Variants in NFIX observed in about 807,000 individuals in gnomAD.
NFIX encodes nuclear factor 1 X-type.
A neutral mutation model predicts 53.3 loss-of-function variants in NFIX; 2 were observed. The ratio of observed to expected loss-of-function variants is 0.04; its 90% CI spans 0.02 to 0.12. The LOEUF is 0.12. NFIX is among the 10% of genes least tolerant of loss of function. NFIX has a pLI of 1.00. For missense variants in NFIX, 310 were observed against 674.5 expected (o/e 0.46, Z 5.99); for synonymous variants, 244 against 289.0 (o/e 0.84, Z 1.58).
At position 13,037,972 on chromosome 19, in the gene NFIX, C is replaced by T. The variant is rs1457142187; in HGVS notation, c.559+12420C>T. Among the ~76,000 whole-genome samples the T allele has an allele frequency of 6.6e-6, 1 of 152,184 alleles. No individual in the cohort carries two copies. The highest frequency in any genetic ancestry group is 2.4e-5 in the African/African-American group (1 of 41,430). On this transcript the variant is annotated intron_variant, in intron 2 of 10. Transcript: ENST00000592199. The surrounding 1 kb of genome is among the most constrained non-coding windows in gnomAD (Gnocchi z 4.2). Reference sequence around the variant, plus strand: ...GACCCTGCTGTGCGTGGTCTCTCCTCAGGACGCCTCTTGCCTCTGCTAGCA... The same window carrying T: ...GACCCTGCTGTGCGTGGTCTCTCCTTAGGACGCCTCTTGCCTCTGCTAGCA...
chr19:13,069,293 G>A (rs1307819803), intron 2 of NFIX, among the ~76,000 whole-genome samples: 1 of 152,210 alleles, frequency 6.6e-6, no homozygotes, highest in Non-Finnish European at 1.5e-5. Context: ...AAAGAAGCCT[G>A]AGGCCAGAAA....
intron 2 of NFIX, among the ~76,000 whole-genome samples, chr19:13,041,786 T>G (rs962237421): frequency 7.4e-6 from 1 of 135,188 alleles, no homozygotes. Flanking sequence ...AGAGCCAGAC[T>G]CCGTCTCAAA....
rs1237057089 is a variant in NFIX at position 13,036,420 on chromosome 19, G to T, written c.559+10868G>T. On this transcript the variant is annotated intron_variant, in intron 2 of 10. Coordinates refer to ENST00000592199, the MANE Select transcript of NFIX (RefSeq NM_001365902.3). This position sits in a 1 kb window ranked among gnomAD's most constrained non-coding sequence, Gnocchi z 4.7. ...GTGGGGCTGTGGAAATGAGAAACCG[G>T]ACGAGACAGAGAGGGAATCCAGAGA... Among the ~76,000 whole-genome samples the T allele has an allele frequency of 6.6e-6, 1 of 152,140 alleles. No individual in the cohort carries two copies. Among genetic ancestry groups the T allele is most frequent in the African/African-American group, 2.4e-5 (1 of 41,424 alleles).
In NFIX at chr19:13,025,032, C is replaced by T; in HGVS notation, c.39C>T (p.His13=). Reference sequence around the variant, plus strand: ...CTTGCCGCCTGCAGGATGAGTTCCACCCGTTCATCGAGGCACTGCTGCCTC... The same window carrying T: ...CTTGCCGCCTGCAGGATGAGTTCCATCCGTTCATCGAGGCACTGCTGCCTC... The part of the protein sequence containing the change: ...SPYCLTQDEF[H]PFIEALLPHV... Residue 13 remains histidine, a synonymous_variant, in exon 2 of 11, where the codon CAC becomes CAT. Transcript: ENST00000592199. The surrounding 1 kb of genome is among the most constrained non-coding windows in gnomAD (Gnocchi z 7.5). 5.0e-6 allele frequency: 8 copies of T among 1,606,628 alleles called. No homozygotes were observed. The highest frequency in any genetic ancestry group is 6.8e-6 in the Non-Finnish European group (8 of 1,176,654).
chr19:13,031,859 G>A (rs1313979163), intron 2 of NFIX, among the ~76,000 whole-genome samples: 1 of 152,148 alleles, frequency 6.6e-6, no homozygotes, highest in Non-Finnish European at 1.5e-5. Context: ...CTCTGTCCTG[G>A]CTTCCTGTAG....
chr19:13,094,560 C>T lies in NFIX; in HGVS notation c.1495-75C>T. ...GAGCTGGACCCTTGAGGGGCCAGGTCACTGGGCCAGGTAGGAGTGAGATGG... is the reference window on the plus strand; with the variant it reads ...GAGCTGGACCCTTGAGGGGCCAGGTTACTGGGCCAGGTAGGAGTGAGATGG... On this transcript the variant is annotated intron_variant, in intron 10 of 10. Transcript: ENST00000592199. The surrounding 1 kb of genome is among the most constrained non-coding windows in gnomAD (Gnocchi z 4.3). 2.7e-6 allele frequency: 4 copies of T among 1,477,418 alleles called. No individual in the cohort carries two copies. The highest frequency in any genetic ancestry group is 3.6e-6 in the Non-Finnish European group (4 of 1,096,260). The allele number at this position is 1,477,418 out of a possible 1,614,324, so 91.5% of individuals were successfully genotyped here. A position where few individuals can be genotyped will look rare whatever the true frequency, so the allele number is the denominator to read the frequency against.
rs1274816474 is a variant in NFIX at position 13,043,651 on chromosome 19, T to G, written c.559+18099T>G. On this transcript the variant is annotated intron_variant, in intron 2 of 10. Coordinates refer to ENST00000592199, the MANE Select transcript of NFIX (RefSeq NM_001365902.3). The surrounding 1 kb of genome is among the most constrained non-coding windows in gnomAD (Gnocchi z 4.0). ...TTTGACATCACTCATAGACACCCCCTCTCTCACCCTTGCATCCCAGACAGT... is the reference window on the plus strand; with the variant it reads ...TTTGACATCACTCATAGACACCCCCGCTCTCACCCTTGCATCCCAGACAGT... Among the ~76,000 whole-genome samples the G allele has an allele frequency of 3.3e-5, 5 of 151,930 alleles. No individual in the cohort carries two copies. The highest frequency in any genetic ancestry group is 6.5e-5 in the Admixed American group (1 of 15,272).
chr19:13,032,021 A>G (rs999832785), intron 2 of NFIX, among the ~76,000 whole-genome samples: 2 of 142,652 alleles, frequency 1.4e-5, no homozygotes, highest in African/African-American at 2.6e-5. Flanking sequence ...CAGTTATTTT[A>G]TCCTTCAGTG....
Position 13,006,861 on chromosome 19 carries a change from C to A in NFIX, c.27+10997C>A, listed in dbSNP as rs1045008658. Among the ~76,000 whole-genome samples the A allele has an allele frequency of 6.6e-6, 1 of 152,212 alleles. No homozygotes were observed. The highest frequency in any genetic ancestry group is 6.5e-5 in the Admixed American group (1 of 15,294). On this transcript the variant is annotated intron_variant, in intron 1 of 10. Transcript: ENST00000592199. The surrounding 1 kb of genome is among the most constrained non-coding windows in gnomAD (Gnocchi z 5.6). ...CAGCCTGGTGGCATTTGGTTTGGCG[C>A]CCTGCCTGCCTGCCACCCCCACCCC...
chr19:13,064,423 C>A (rs963369494), intron 2 of NFIX, among the ~76,000 whole-genome samples: 3 of 152,220 alleles, frequency 2.0e-5, no homozygotes, highest in Admixed American at 6.5e-5. Flanking sequence ...TCTAGGGGGA[C>A]AAGCTCTATC....
chr19:13,024,557 G>A, intron 1 of NFIX: 3 of 1,531,018 alleles, frequency 2.0e-6, no homozygotes, highest in Non-Finnish European at 2.6e-6. Flanking sequence ...ACGCCCCCGC[G>A]TGTGCGTCCA....
chr19:13,094,688 G>T lies in NFIX; in HGVS notation c.*39G>T. The T allele has an allele frequency of 6.5e-7, 1 of 1,532,968 alleles. No homozygotes were observed. Among genetic ancestry groups the T allele is most frequent in the Non-Finnish European group, 8.7e-7 (1 of 1,144,034 alleles). 95.0% of individuals were successfully genotyped at this position (1,532,968 alleles called of 1,614,324 possible). ...AGAAACAACAAAATGAGAAGAAGAG[G>T]TTCCTCGAAAGGGGGGAGAAGAAAT... On this transcript the variant is annotated 3_prime_UTR_variant, in exon 11 of 11. Transcript: ENST00000592199. The surrounding 1 kb of genome is among the most constrained non-coding windows in gnomAD (Gnocchi z 4.3).
Position 13,036,662 on chromosome 19 carries a change from T to C in NFIX, c.559+11110T>C, listed in dbSNP as rs1430035955. ...TATCCCCATTAGCGCATAATTATTA[T>C]ATAATGGGCGTTATTGCATAATGGC... is the stretch of plus-strand genomic sequence containing the variant. On this transcript the variant is annotated intron_variant, in intron 2 of 10. Transcript: ENST00000592199. The surrounding 1 kb of genome is among the most constrained non-coding windows in gnomAD (Gnocchi z 4.7). 6.6e-6 allele frequency among the ~76,000 whole-genome samples: 1 copy of C among 152,130 alleles called. No homozygotes were observed. Among genetic ancestry groups the C allele is most frequent in the African/African-American group, 2.4e-5 (1 of 41,416 alleles).
In NFIX at chr19:13,096,698, G is replaced by T. The variant is rs1272970812; in HGVS notation, c.*2049G>T. On this transcript the variant is annotated 3_prime_UTR_variant, in exon 11 of 11. Coordinates refer to ENST00000592199, the MANE Select transcript of NFIX (RefSeq NM_001365902.3). ...GGTCAGAGCTGAGAGCGAAGCAGAA[G>T]GGGCTCCCTGTCCGGCCCACGTGCC... 1 of 152,498 alleles carries T rather than the reference G, an allele frequency of 6.6e-6. No homozygotes were observed. Among genetic ancestry groups the T allele is most frequent in the Non-Finnish European group, 1.5e-5 (1 of 68,024 alleles). The allele number at this position is 152,498 out of a possible 1,614,324, so 9.4% of individuals were successfully genotyped here.
At position 13,028,427 on chromosome 19, in the gene NFIX, G is replaced by A. The variant is rs768488517; in HGVS notation, c.559+2875G>A. On this transcript the variant is annotated intron_variant, in intron 2 of 10. Transcript: ENST00000592199. This position sits in a 1 kb window ranked among gnomAD's most constrained non-coding sequence, Gnocchi z 4.2. ...ATGTGGTGGTAAATGTGGGGGTGTGGCTTTGCTCCCAGGTGCCATTGTCAC... is the reference window on the plus strand; with the variant it reads ...ATGTGGTGGTAAATGTGGGGGTGTGACTTTGCTCCCAGGTGCCATTGTCAC... Among the ~76,000 whole-genome samples, 1 of 152,184 alleles carries A rather than the reference G, an allele frequency of 6.6e-6. No homozygotes were observed. Among genetic ancestry groups the A allele is most frequent in the Non-Finnish European group, 1.5e-5 (1 of 68,044 alleles).
At chr19:13,085,655 T>C (rs2017737707) in intron 8 of NFIX, among the ~76,000 whole-genome samples, 1 of 152,234 alleles carries the variant, frequency 6.6e-6, no homozygotes, top group Admixed American at 6.5e-5. Context: ...AGCCACTGTT[T>C]GCTTTTGTCA....
rs767274870 is a variant in NFIX at position 13,074,065 on chromosome 19, T to TC, written c.818+45dup. On this transcript the variant is annotated intron_variant, in intron 5 of 10. Transcript: ENST00000592199. The stretch of plus-strand genomic sequence containing the variant: ...CCCTGCCTTTCCATCTTCTCTCCAC[T>TC]CCCCCCAGGGCCAGGGCCGTCCCAG... The TC allele has an allele frequency of 3.1e-6, 5 of 1,611,320 alleles. No individual in the cohort carries two copies. The African/African-American group carries it at 4.0e-5, about 13-fold the overall frequency.
At chr19:13,032,711 C>T (rs2013905146) in intron 2 of NFIX, among the ~76,000 whole-genome samples, 1 of 152,056 alleles carries the variant, frequency 6.6e-6, no homozygotes, top group Admixed American at 6.6e-5. Context: ...GACCTGGGCC[C>T]ACAGCTTGTT....
intron 5 of NFIX, 80 bp downstream of exon 5, chr19:13,074,106 GTGTCACTGA>G: frequency 6.4e-7 from 1 of 1,565,904 alleles, no homozygotes; most frequent in Non-Finnish European, 8.8e-7. Flanking sequence ...ATAGTCAGCT[GTGTCACTGA>G]GGCTAGGGTG....
Sources: allele counts gnomAD v4.1 joint callset (sites outside exome capture counted in the v4.1 genomes callset), GRCh38; gene constraint gnomAD v4.1.1; non-coding constraint Gnocchi (gnomAD v3.1); transcripts MANE v1.5; gene names NCBI Gene and HGNC (gene_info 2026-07-23, HGNC 2026-07-21).